VASP: variants seen among roughly 807,000 people sequenced by gnomAD.
VASP encodes vasodilator-stimulated phosphoprotein.
In VASP, 27 loss-of-function variants were observed where a neutral mutation model predicts 54.4. The ratio of observed to expected loss-of-function variants is 0.50; its 90% confidence interval spans 0.37 to 0.68. VASP has a LOEUF of 0.68. Ranked by LOEUF, VASP falls within the 30% of genes least tolerant of loss-of-function variation. The pLI, the probability that VASP is intolerant of heterozygous loss-of-function variation, is 0.00. For synonymous variants in VASP, 233 were observed against 209.8 expected (o/e 1.11, Z -0.96); for missense variants, 488 against 528.3 (o/e 0.92, Z 0.75).
intron 11 of VASP, 51 bp downstream of exon 11, chr19:45,524,711 C>T (rs747390153): frequency 1.3e-6 from 2 of 1,552,438 alleles, no homozygotes; most frequent in Non-Finnish European, 8.9e-7. Flanking sequence ...CTAGGTCTGG[C>T]CCCTGCCACT....
intron 1 of VASP, among the ~76,000 whole-genome samples, chr19:45,516,983 CAAAAAAAAAA>C (rs112095290): frequency 5.2e-5 from 3 of 57,868 alleles, no homozygotes; most frequent in East Asian, 3.7e-4. Flanking sequence ...GACTCTGTCT[CAAAAAAAAAA>C]AAAAAAAAAA....
chr19:45,522,151 C>T lies in VASP; in HGVS notation c.429-17C>T, dbSNP rs938323490. 4.3e-6 allele frequency: 7 copies of T among 1,613,460 alleles called. No individual in the cohort carries two copies. The highest frequency in any genetic ancestry group is 1.3e-5 in the African/African-American group (1 of 75,024). On this transcript the variant is annotated splice_polypyrimidine_tract_variant and intron_variant, in intron 4 of 12. Transcript: ENST00000245932. Reference sequence around the variant, plus strand: ...TAGGGCCCTGATTGACGGCAGCTCTCTCGCCTCCCCCCACAGGCAGCAGCC... The same window carrying T: ...TAGGGCCCTGATTGACGGCAGCTCTTTCGCCTCCCCCCACAGGCAGCAGCC...
Position 45,507,844 on chromosome 19 carries a change from C to G in VASP, c.5+68C>G, listed in dbSNP as rs996092966. ...CTCCGCGCCCCGCCTTTGTCCCCCT[C>G]CCCCCCAGCTAGCTCCGGGCTGGAA... On this transcript the variant is annotated intron_variant, in intron 1 of 12. Coordinates refer to ENST00000245932, the MANE Select transcript of VASP (RefSeq NM_003370.4). This position sits in a 1 kb window ranked among gnomAD's most constrained non-coding sequence, Gnocchi z 4.4. The G allele has an allele frequency of 9.1e-6, 9 of 993,966 alleles. No individual in the cohort carries two copies. Among genetic ancestry groups the G allele is most frequent in the South Asian group, 2.1e-5 (1 of 48,420 alleles). The allele number at this position is 993,966 out of a possible 1,614,324, so 61.6% of individuals were successfully genotyped here.
intron 5 of VASP, 50 bp downstream of exon 5, chr19:45,522,267 G>T: frequency 1.2e-6 from 2 of 1,614,142 alleles, no homozygotes; most frequent in East Asian, 2.2e-5. Context: ...CCTGGAGGAA[G>T]TGGCCAGCCA....
chr19:45,521,234 C>A, intron 3 of VASP, 88 bp from the exon 4 acceptor site: 1 of 1,325,220 alleles, frequency 7.5e-7, no homozygotes, highest in African/African-American at 1.5e-5. Context: ...GGGCAGGATT[C>A]CTGGGAGGCC....
Position 45,507,542 on chromosome 19 carries a change from G to A in VASP, c.-230G>A, listed in dbSNP as rs1168573501. 5.8e-6 allele frequency: 3 copies of A among 519,802 alleles called. No homozygotes were observed. Among genetic ancestry groups the A allele is most frequent in the African/African-American group, 4.1e-5 (2 of 48,970 alleles). 32.2% of individuals were successfully genotyped at this position (519,802 alleles called of 1,614,324 possible). A position where few individuals can be genotyped will look rare whatever the true frequency, so the allele number is the denominator to read the frequency against. Reference sequence around the variant, plus strand: ...GGGTGCGCGCTGGGGAGCGGACGCTGCATCCCCTTTCTGCTGCAGGAACCT... The same window carrying A: ...GGGTGCGCGCTGGGGAGCGGACGCTACATCCCCTTTCTGCTGCAGGAACCT... On this transcript the variant is annotated 5_prime_UTR_variant, in exon 1 of 13. Transcript: ENST00000245932. The surrounding 1 kb of genome is among the most constrained non-coding windows in gnomAD (Gnocchi z 4.4).
chr19:45,517,376 ATCTG>A (rs56149929), intron 1 of VASP, among the ~76,000 whole-genome samples: 1 of 140,960 alleles, frequency 7.1e-6, no homozygotes, highest in Non-Finnish European at 1.5e-5. Context: ...CCATCTGTTC[ATCTG>A]TCTGTCTGCC....
chr19:45,519,263 C>T (rs995190314), intron 3 of VASP, among the ~76,000 whole-genome samples: 1 of 152,130 alleles, frequency 6.6e-6, no homozygotes, highest in East Asian at 1.9e-4. Context: ...ATCCGCCCGC[C>T]TAGGCCTCCC....
chr19:45,517,638 C>T (rs1363453570), intron 1 of VASP, 25 bp from the exon 2 acceptor site: 1 of 1,599,372 alleles, frequency 6.3e-7, no homozygotes. Flanking sequence ...TGACCGGCCC[C>T]TCTCCCTTTT....
intron 1 of VASP, among the ~76,000 whole-genome samples, chr19:45,510,039 CAG>C (rs1270731821): frequency 6.6e-6 from 1 of 152,138 alleles, no homozygotes; most frequent in Admixed American, 6.6e-5. Context: ...GCTGGGAAGA[CAG>C]AGAAGCGAGG....
chr19:45,510,557 C>T (rs187243061), intron 1 of VASP, among the ~76,000 whole-genome samples: 2 of 152,092 alleles, frequency 1.3e-5, no homozygotes, highest in East Asian at 3.8e-4. Flanking sequence ...GATACTATTA[C>T]AACCTTGTGG....
chr19:45,517,833 A>C lies in VASP; in HGVS notation c.176A>C (p.Gln59Pro). 6.2e-7 allele frequency: 1 copy of C among 1,613,022 alleles called. No individual in the cohort carries two copies. The highest frequency in any genetic ancestry group is 8.5e-7 in the Non-Finnish European group (1 of 1,179,798). ...VVGRKMQPDQ[Q>P]VVINCAIVRG... ...GGCCGGAAGATGCAGCCCGACCAGC[A>C]GGTGCAGCTTCCCGCCGGCCCCCTC... The change falls in exon 2 of 13, where the codon CAG (glutamine) becomes CCG (proline). Residue 59 changes from glutamine (Q) to proline (P), a missense_variant and splice_region_variant. Around this residue, in one of 4 missense-constraint regions of VASP, gnomAD observed 127 missense variants for 170.7 expected, o/e 0.74. Coordinates refer to ENST00000245932, the MANE Select transcript of VASP (RefSeq NM_003370.4).
intron 3 of VASP, among the ~76,000 whole-genome samples, chr19:45,520,836 C>T (rs987323744): frequency 7.2e-5 from 11 of 152,246 alleles, no homozygotes; most frequent in African/African-American, 2.4e-4. Flanking sequence ...TGGTGGCAGG[C>T]GCCTGTAATC....
Position 45,507,783 on chromosome 19 carries a change from C to G in VASP, c.5+7C>G. On this transcript the variant is annotated splice_region_variant and intron_variant, in intron 1 of 12. Transcript: ENST00000245932. This position sits in a 1 kb window ranked among gnomAD's most constrained non-coding sequence, Gnocchi z 4.4. ...CCCGCCGAGCAGCCATGAGGTGAGC[C>G]GGACCTGCCCCCCGACCCGTCCCCG... 1 of 1,469,732 alleles carries G rather than the reference C, an allele frequency of 6.8e-7. No homozygotes were observed. The highest frequency in any genetic ancestry group is 1.5e-5 in the African/African-American group (1 of 67,668). The allele number at this position is 1,469,732 out of a possible 1,614,324, so 91.0% of individuals were successfully genotyped here.
intron 1 of VASP, among the ~76,000 whole-genome samples, chr19:45,510,248 G>C (rs76227489): frequency 6.6e-6 from 1 of 151,882 alleles, no homozygotes; most frequent in Non-Finnish European, 1.5e-5. Context: ...GTTTTGAGAC[G>C]GAAATTTTGC....
In VASP at chr19:45,518,102, A is replaced by T. The variant is rs747126643; in HGVS notation, c.343+8A>T. The T allele has an allele frequency of 6.2e-7, 1 of 1,611,648 alleles. No homozygotes were observed. The highest frequency in any genetic ancestry group is 8.5e-7 in the Non-Finnish European group (1 of 1,178,930). On this transcript the variant is annotated splice_region_variant and intron_variant, in intron 3 of 12. Coordinates refer to ENST00000245932, the MANE Select transcript of VASP (RefSeq NM_003370.4). ...CCCTAGAGGCGTTGGAAGGTCAGAA[A>T]TGGCGGCGGGCAAAGGGGACCAGTG...
intron 4 of VASP, 89 bp downstream of exon 4, chr19:45,521,495 C>T: frequency 1.7e-6 from 2 of 1,210,446 alleles, no homozygotes; most frequent in Non-Finnish European, 2.3e-6. Flanking sequence ...CAGAACCCAG[C>T]CAACTTGCAG....
intron 10 of VASP, chr19:45,524,362 T>C: frequency 1.5e-6 from 1 of 667,430 alleles, no homozygotes; most frequent in Non-Finnish European, 2.6e-6. Flanking sequence ...TCATCATGCC[T>C]GCACTCCAGC....
intron 1 of VASP, among the ~76,000 whole-genome samples, chr19:45,509,379 C>T (rs1036673816): frequency 4.1e-5 from 6 of 144,836 alleles, no homozygotes; most frequent in African/African-American, 1.3e-4. Context: ...TGCCCCCCAG[C>T]CCCGCCCCTC....
Sources: allele counts gnomAD v4.1 joint callset (sites outside exome capture counted in the v4.1 genomes callset), GRCh38; gene constraint gnomAD v4.1.1; regional missense constraint gnomAD v4.1.1; non-coding constraint Gnocchi (gnomAD v3.1); transcripts MANE v1.5; gene names NCBI Gene and HGNC (gene_info 2026-07-23, HGNC 2026-07-21).